SH3GL2: variants seen among roughly 807,000 people sequenced by gnomAD.
SH3GL2 encodes SH3 domain containing GRB2 like 2, endophilin A1.
Under a neutral mutation model 46.0 loss-of-function variants are expected in SH3GL2, and 24 were observed. That is an observed-to-expected ratio of 0.52 (90% CI 0.38 to 0.73). The LOEUF (loss-of-function observed/expected upper bound fraction) is 0.73, where lower values mean the gene tolerates loss of function less well. Among genes scored for constraint, SH3GL2 ranks in the 30% least tolerant of loss-of-function variants. The pLI is 0.00. For missense variants in SH3GL2, 413 were observed against 424.2 expected, an observed-to-expected ratio of 0.97 and a Z score of 0.23; for synonymous variants, 196 against 147.1, an observed-to-expected ratio of 1.33 and a Z score of -2.40.
At chr9:17,783,869 G>A (rs1194074270) in intron 3 of SH3GL2, among the ~76,000 whole-genome samples, 1 of 152,108 alleles carries the variant, frequency 6.6e-6, no homozygotes, top group Non-Finnish European at 1.5e-5. Flanking sequence ...ACTTGGTAAA[G>A]CAATCCAGGT....
intron 1 of SH3GL2, among the ~76,000 whole-genome samples, chr9:17,631,535 G>T (rs965833498): frequency 6.6e-6 from 1 of 152,164 alleles, no homozygotes; most frequent in Admixed American, 6.5e-5. Context: ...TTGTAGGTAA[G>T]TGGTTTCTAT....
chr9:17,662,384 G>T (rs996692287), intron 1 of SH3GL2, among the ~76,000 whole-genome samples: 1 of 152,174 alleles, frequency 6.6e-6, no homozygotes, highest in Non-Finnish European at 1.5e-5. Context: ...TCATATAGGA[G>T]AAAATGTTCT....
chr9:17,755,793 C>A, intron 2 of SH3GL2: 1 of 984,844 alleles, frequency 1.0e-6, no homozygotes, highest in Non-Finnish European at 1.2e-6. Context: ...AGTCCTTACA[C>A]CTAAGTTCAG....
chr9:17,614,611 C>T (rs1457788979), intron 1 of SH3GL2, among the ~76,000 whole-genome samples: 2 of 152,076 alleles, frequency 1.3e-5, no homozygotes, highest in Non-Finnish European at 2.9e-5. Context: ...TATGTAAATG[C>T]TATGTATATT....
At chr9:17,631,398 C>G (rs371647712) in intron 1 of SH3GL2, among the ~76,000 whole-genome samples, 1 of 152,182 alleles carries the variant, frequency 6.6e-6, no homozygotes, top group East Asian at 1.9e-4. Context: ...TTTGGTGAAC[C>G]TTGGCCATTC....
chr9:17,667,351 C>A lies in SH3GL2; in HGVS notation c.46-79715C>A, dbSNP rs547035127. The stretch of plus-strand genomic sequence containing the variant: ...TTTTCATCTTCCTAAAAAGAAACCC[C>A]ATGCCCACTGGCACCCACTCTCCTC... On this transcript the variant is annotated intron_variant, in intron 1 of 8. Transcript: ENST00000380607. Among the ~76,000 whole-genome samples the A allele has an allele frequency of 1.1e-4, 17 of 152,194 alleles. No homozygotes were observed. The South Asian group carries it at 2.9e-3, about 26-fold the overall frequency.
intron 1 of SH3GL2, among the ~76,000 whole-genome samples, chr9:17,628,386 G>C (rs1259690687): frequency 6.6e-6 from 1 of 151,208 alleles, no homozygotes; most frequent in Admixed American, 6.6e-5. Flanking sequence ...TCTAGTTCTG[G>C]GGATGCCCAG....
intron 1 of SH3GL2, among the ~76,000 whole-genome samples, chr9:17,699,913 T>C (rs148346190): frequency 2.6e-5 from 4 of 152,332 alleles, no homozygotes; most frequent in East Asian, 1.9e-4. Context: ...TCAGGAGTTA[T>C]GTTGCTGTAT....
chr9:17,686,080 TCAAA>T (rs1820901758), intron 1 of SH3GL2, among the ~76,000 whole-genome samples: 1 of 138,420 alleles, frequency 7.2e-6, no homozygotes, highest in Admixed American at 7.1e-5. Context: ...TACAATGAAC[TCAAA>T]CAAATTTACA....
chr9:17,744,789 C>T (rs574522084), intron 1 of SH3GL2, among the ~76,000 whole-genome samples: 2 of 152,302 alleles, frequency 1.3e-5, no homozygotes, highest in South Asian at 4.1e-4. Flanking sequence ...TTGGTACAGG[C>T]TTCAGGTTAG....
intron 1 of SH3GL2, among the ~76,000 whole-genome samples, chr9:17,694,469 G>T (rs931998702): frequency 1.3e-5 from 2 of 152,100 alleles, no homozygotes; most frequent in Non-Finnish European, 2.9e-5. Flanking sequence ...ATAATACCCA[G>T]ATCGCTGGAT....
At chr9:17,681,050 C>G (rs1820753909) in intron 1 of SH3GL2, among the ~76,000 whole-genome samples, 1 of 151,964 alleles carries the variant, frequency 6.6e-6, no homozygotes, top group South Asian at 2.1e-4. Context: ...TTACTTCCAA[C>G]TATGTGGTCA....
At chr9:17,783,927 G>A (rs540316711) in intron 3 of SH3GL2, among the ~76,000 whole-genome samples, 1 of 152,156 alleles carries the variant, frequency 6.6e-6, no homozygotes, top group African/African-American at 2.4e-5. Flanking sequence ...GTATTTTCCA[G>A]GCTCACTCTC....
intron 4 of SH3GL2, among the ~76,000 whole-genome samples, chr9:17,786,872 C>T (rs932397078): frequency 6.6e-6 from 1 of 152,098 alleles, no homozygotes; most frequent in African/African-American, 2.4e-5. Context: ...CAAAGCCCTC[C>T]CTGCCTCATG....
At chr9:17,654,165 A>G (rs1174952132) in intron 1 of SH3GL2, among the ~76,000 whole-genome samples, 2 of 152,180 alleles carry the variant, frequency 1.3e-5, no homozygotes, top group East Asian at 1.9e-4. Flanking sequence ...GAAGAAAACC[A>G]GATTGGAAAA....
intron 1 of SH3GL2, among the ~76,000 whole-genome samples, chr9:17,580,569 A>C (rs1807364515): frequency 6.6e-6 from 1 of 152,188 alleles, no homozygotes; most frequent in African/African-American, 2.4e-5. Context: ...ATTTCTGTAA[A>C]AATGTTTCTT....
At chr9:17,585,021 G>T (rs1409695106) in intron 1 of SH3GL2, among the ~76,000 whole-genome samples, 7 of 152,174 alleles carry the variant, frequency 4.6e-5, no homozygotes, top group Non-Finnish European at 1.0e-4. Flanking sequence ...CTTGGTTGGG[G>T]CAAATGGTGA....
At chr9:17,736,390 G>A (rs1457674627) in intron 1 of SH3GL2, among the ~76,000 whole-genome samples, 1 of 152,044 alleles carries the variant, frequency 6.6e-6, no homozygotes, top group Non-Finnish European at 1.5e-5. Context: ...TTCCTCCATA[G>A]AGAAGTCAGT....
At chr9:17,599,429 T>C (rs1179908174) in intron 1 of SH3GL2, among the ~76,000 whole-genome samples, 1 of 152,250 alleles carries the variant, frequency 6.6e-6, no homozygotes. Context: ...AATGGCACTG[T>C]ATTTCCAGCA....
Sources: allele counts gnomAD v4.1 joint callset (sites outside exome capture counted in the v4.1 genomes callset), GRCh38; gene constraint gnomAD v4.1.1; transcripts MANE v1.5; gene names NCBI Gene and HGNC (gene_info 2026-07-23, HGNC 2026-07-21).